The following ADORA2B variants were observed in gnomAD, a reference collection of about 807,000 sequenced individuals.
ADORA2B encodes the protein adenosine receptor A2b.
Under a neutral mutation model 20.8 loss-of-function variants are expected in ADORA2B, and 18 were observed. That is an observed-to-expected ratio of 0.87 (90% CI 0.60 to 1.29). The LOEUF is 1.29. Ranked by LOEUF, ADORA2B falls within the 50% of genes most tolerant of loss-of-function variation. The pLI is 0.00. For missense variants in ADORA2B, 441 were observed against 422.7 expected, an observed-to-expected ratio of 1.04 and a Z score of -0.38; for synonymous variants, 179 against 178.3, an observed-to-expected ratio of 1.00 and a Z score of -0.03.
the ADORA2B span, among the ~76,000 whole-genome samples, chr17:15,867,691 G>A: frequency 6.7e-5 from 10 of 148,984 alleles, no homozygotes; most frequent in Non-Finnish European, 8.9e-5. Flanking sequence ...CCCCCCGCCC[G>A]GCCAGCCGCC....
At chr17:15,946,791 G>A (rs907992864) in intron 1 of ADORA2B, among the ~76,000 whole-genome samples, 2 of 152,198 alleles carry the variant, frequency 1.3e-5, no homozygotes, top group African/African-American at 2.4e-5. Context: ...AGCTGGCACC[G>A]TGTCCCCACC....
chr17:15,887,124 T>C, the ADORA2B span, among the ~76,000 whole-genome samples: 1 of 130,592 alleles, frequency 7.7e-6, no homozygotes, highest in Admixed American at 7.5e-5. Flanking sequence ...GTAAATCTCC[T>C]GTGATTCTGT....
chr17:15,855,254 C>G, the ADORA2B span, among the ~76,000 whole-genome samples: 1 of 152,102 alleles, frequency 6.6e-6, no homozygotes, highest in Admixed American at 6.5e-5. Context: ...TTAATCCCCC[C>G]CAACAATCCT....
At chr17:15,888,007 A>C in the ADORA2B span, among the ~76,000 whole-genome samples, 234 of 115,222 alleles carry the variant, frequency 2.0e-3, 38 homozygotes, top group Non-Finnish European at 3.3e-3. Flanking sequence ...AGAAGTTGCC[A>C]AACTTGATTT....
At chr17:15,865,828 A>G in the ADORA2B span, among the ~76,000 whole-genome samples, 5 of 140,338 alleles carry the variant, frequency 3.6e-5, no homozygotes, top group Admixed American at 2.9e-4. Context: ...TTTTGCATGT[A>G]TCTTTTTTTT....
At chr17:15,888,993 G>C in the ADORA2B span, among the ~76,000 whole-genome samples, 5 of 112,468 alleles carry the variant, frequency 4.4e-5, 1 homozygote, top group African/African-American at 2.0e-4. Flanking sequence ...CTCTCCAGTA[G>C]TTGGGATTAT....
At chr17:15,955,431 G>T (rs559805017) in intron 1 of ADORA2B, among the ~76,000 whole-genome samples, 4 of 148,172 alleles carry the variant, frequency 2.7e-5, no homozygotes, top group African/African-American at 1.0e-4. Context: ...ACAGAGTCTC[G>T]CTTGTTGGCC....
At chr17:15,971,106 C>T (rs1970184263) in intron 1 of ADORA2B, among the ~76,000 whole-genome samples, 1 of 152,224 alleles carries the variant, frequency 6.6e-6, no homozygotes, top group African/African-American at 2.4e-5. Flanking sequence ...TCCCCCAGAG[C>T]TGACCTGTTA....
chr17:15,873,070 G>A, the ADORA2B span, among the ~76,000 whole-genome samples: 1 of 152,068 alleles, frequency 6.6e-6, no homozygotes, highest in Non-Finnish European at 1.5e-5. Flanking sequence ...TTATTTTGAG[G>A]CAAGTTCTTT....
chr17:15,899,351 G>C, the ADORA2B span, among the ~76,000 whole-genome samples: 1 of 152,142 alleles, frequency 6.6e-6, no homozygotes, highest in African/African-American at 2.4e-5. Context: ...AGATTATGCA[G>C]GGAAAATTTT....
upstream of ADORA2B, among the ~76,000 whole-genome samples, chr17:15,942,284 G>T (rs763883048): frequency 6.6e-6 from 1 of 151,956 alleles, no homozygotes; most frequent in East Asian, 1.9e-4. Context: ...CACTAGATCC[G>T]GTTGTTAAAA....
chr17:15,863,320 A>G, the ADORA2B span, among the ~76,000 whole-genome samples: 1 of 152,086 alleles, frequency 6.6e-6, no homozygotes, highest in African/African-American at 2.4e-5. Context: ...TATTTTTAAT[A>G]TGCCCTTCCA....
the ADORA2B span, among the ~76,000 whole-genome samples, chr17:15,933,757 T>C: frequency 6.7e-6 from 1 of 150,138 alleles, no homozygotes; most frequent in African/African-American, 2.5e-5. Flanking sequence ...GCATTTGCAA[T>C]ATACATATAT....
the ADORA2B span, among the ~76,000 whole-genome samples, chr17:15,867,268 T>C: frequency 6.6e-6 from 1 of 150,560 alleles, no homozygotes; most frequent in Non-Finnish European, 1.5e-5. Context: ...GTGAGGAGCC[T>C]CTCTGCCTGG....
At chr17:15,898,221 T>A in the ADORA2B span, among the ~76,000 whole-genome samples, 5 of 152,186 alleles carry the variant, frequency 3.3e-5, no homozygotes, top group African/African-American at 1.2e-4. Context: ...GAGACCTTGT[T>A]GGAAGATTAT....
chr17:15,956,792 G>A lies in ADORA2B; in HGVS notation c.335+11209G>A, dbSNP rs111264187. Among the ~76,000 whole-genome samples the A allele has an allele frequency of 7.9e-3, 1,207 of 152,024 alleles. 15 individuals carry two copies. The highest frequency in any genetic ancestry group is 0.028 in the African/African-American group (1,158 of 41,458). On this transcript the variant is annotated intron_variant, in intron 1 of 1. Coordinates refer to ENST00000304222, the MANE Select transcript of ADORA2B (RefSeq NM_000676.4). ...TTTTTGTGTTTTTAGTAGAGACGGGGTTTCACCATGCTGGTCAGGCTGGTC... is the reference window on the plus strand; with the variant it reads ...TTTTTGTGTTTTTAGTAGAGACGGGATTTCACCATGCTGGTCAGGCTGGTC...
chr17:15,936,466 G>A, the ADORA2B span, among the ~76,000 whole-genome samples: 1 of 151,868 alleles, frequency 6.6e-6, no homozygotes, highest in African/African-American at 2.4e-5. Flanking sequence ...TTATAGGCCT[G>A]AGCCACCACC....
the ADORA2B span, among the ~76,000 whole-genome samples, chr17:15,860,149 C>G: frequency 2.6e-4 from 39 of 152,228 alleles, no homozygotes; most frequent in African/African-American, 9.1e-4. Flanking sequence ...CGATCACGAC[C>G]CTCTCACGTG....
the ADORA2B span, among the ~76,000 whole-genome samples, chr17:15,881,073 C>T: frequency 6.6e-6 from 1 of 151,970 alleles, no homozygotes; most frequent in Non-Finnish European, 1.5e-5. Flanking sequence ...TCCCTTTAGC[C>T]TTGTTGTTCT....
Sources: gnomAD v4.1 joint callset for allele counts (sites outside exome capture counted in the v4.1 genomes callset) on GRCh38, gnomAD v4.1.1 for gene constraint, MANE v1.5 for transcripts, NCBI Gene and HGNC (gene_info 2026-07-23, HGNC 2026-07-21) for gene names.